Variants in GRM7 observed in about 807,000 individuals in gnomAD.
The protein encoded by GRM7 is metabotropic glutamate receptor 7.
GRM7 carries 35 observed loss-of-function variants against 84.5 expected under a neutral mutation model. The observed-to-expected ratio is 0.41, with a 90% confidence interval of 0.32 to 0.55. The LOEUF is 0.55. Among genes scored for constraint, GRM7 ranks in the 20% least tolerant of loss-of-function variants. The pLI is 0.19. For missense variants in GRM7, 1,003 were observed against 1,194.6 expected, an observed-to-expected ratio of 0.84 and a Z score of 2.36; for synonymous variants, 487 against 455.1, an observed-to-expected ratio of 1.07 and a Z score of -0.89.
At position 7,599,938 on chromosome 3, in the gene GRM7, T is replaced by C. The variant is rs551607564; in HGVS notation, c.2451+20581T>C. ...TGCTCTTTTTTGAGTGATACAGTGG[T>C]TTATTTCATTAGCTATCTTATCACC... On this transcript the variant is annotated intron_variant, in intron 8 of 9. Transcript: ENST00000357716. Among the ~76,000 whole-genome samples, 10 of 152,212 alleles carry C rather than the reference T, an allele frequency of 6.6e-5. No individual in the cohort carries two copies. The East Asian group carries it at 1.7e-3, about 27-fold the overall frequency.
intron 8 of GRM7, among the ~76,000 whole-genome samples, chr3:7,630,634 T>G (rs886493736): frequency 1.3e-5 from 2 of 152,190 alleles, no homozygotes; most frequent in African/African-American, 4.8e-5. Context: ...GACATCATAC[T>G]GCCTCTGTTT....
chr3:6,940,882 C>T (rs1389236397), intron 1 of GRM7, among the ~76,000 whole-genome samples: 2 of 152,210 alleles, frequency 1.3e-5, no homozygotes, highest in South Asian at 2.1e-4. Flanking sequence ...GAAATTCCTG[C>T]AGTCACTTCT....
chr3:7,359,396 A>G (rs1348022887), intron 4 of GRM7, among the ~76,000 whole-genome samples: 1 of 132,810 alleles, frequency 7.5e-6, no homozygotes, highest in African/African-American at 3.0e-5. Context: ...GTGCAGTGGC[A>G]CAATTTCGGC....
chr3:7,064,154 A>G (rs1189604596), intron 1 of GRM7, among the ~76,000 whole-genome samples: 2 of 151,210 alleles, frequency 1.3e-5, no homozygotes, highest in Non-Finnish European at 3.0e-5. Context: ...TAAGTTCTTT[A>G]GTGGTGATTT....
chr3:7,503,234 G>A (rs1002702053), intron 7 of GRM7, among the ~76,000 whole-genome samples: 6 of 152,094 alleles, frequency 3.9e-5, no homozygotes, highest in African/African-American at 1.4e-4. Flanking sequence ...AAAAATTCCT[G>A]ATAAAAGAGA....
intron 4 of GRM7, among the ~76,000 whole-genome samples, chr3:7,382,687 AAGT>A (rs1333513075): frequency 4.6e-5 from 7 of 152,228 alleles, no homozygotes; most frequent in Admixed American, 3.9e-4. Flanking sequence ...GAAAAAAATA[AAGT>A]AGTCTGATAG....
chr3:6,887,109 C>T (rs555592233), intron 1 of GRM7, among the ~76,000 whole-genome samples: 3 of 152,110 alleles, frequency 2.0e-5, no homozygotes, highest in Non-Finnish European at 4.4e-5. Context: ...TGTTGAGGGA[C>T]AGTGCCTTTC....
intron 4 of GRM7, among the ~76,000 whole-genome samples, chr3:7,370,458 T>G (rs932278162): frequency 1.3e-5 from 2 of 152,160 alleles, no homozygotes; most frequent in African/African-American, 4.8e-5. Flanking sequence ...TTCTCTCTTG[T>G]CTGCTGTCAT....
intron 2 of GRM7, among the ~76,000 whole-genome samples, chr3:7,263,937 G>T (rs1698536508): frequency 6.6e-6 from 1 of 152,116 alleles, no homozygotes; most frequent in African/African-American, 2.4e-5. Context: ...GTGGGGGGTG[G>T]CCGTGGGCGA....
chr3:7,684,771 T>G (rs1449574247), intron 9 of GRM7, among the ~76,000 whole-genome samples: 2 of 152,186 alleles, frequency 1.3e-5, no homozygotes, highest in East Asian at 3.8e-4. Flanking sequence ...ATATTAGATA[T>G]TCAGAGTTGG....
intron 5 of GRM7, among the ~76,000 whole-genome samples, chr3:7,432,666 G>A (rs981298661): frequency 2.0e-5 from 3 of 151,604 alleles, no homozygotes; most frequent in Non-Finnish European, 4.4e-5. Flanking sequence ...AATAGATTTA[G>A]AATAAAACCA....
intron 4 of GRM7, among the ~76,000 whole-genome samples, chr3:7,376,691 T>C (rs1487496810): frequency 6.6e-6 from 1 of 152,208 alleles, no homozygotes; most frequent in Non-Finnish European, 1.5e-5. Flanking sequence ...TATGGCTACT[T>C]TTGCCCTACA....
At chr3:7,249,249 C>T (rs1022470207) in intron 2 of GRM7, among the ~76,000 whole-genome samples, 6 of 152,172 alleles carry the variant, frequency 3.9e-5, no homozygotes, top group African/African-American at 1.2e-4. Context: ...AATTTACTTA[C>T]ATTCCAAGTA....
intron 4 of GRM7, among the ~76,000 whole-genome samples, chr3:7,338,154 A>G (rs911565580): frequency 2.0e-5 from 3 of 150,346 alleles, no homozygotes; most frequent in Middle Eastern, 3.2e-3. Context: ...CCCATGGAAT[A>G]CTATTCAGCC....
In GRM7 at chr3:7,011,550, G is replaced by C. The variant is rs1033128957; in HGVS notation, c.520-134902G>C. On this transcript the variant is annotated intron_variant, in intron 1 of 9. Transcript: ENST00000357716. The stretch of plus-strand genomic sequence containing the variant: ...CACTTTTTATACTCAGTTTAATGCA[G>C]AGAACAGAGCCAGAGTAATTATCTC... Among the ~76,000 whole-genome samples, 4 of 152,160 alleles carry C rather than the reference G, an allele frequency of 2.6e-5. No individual in the cohort carries two copies. The South Asian group carries it at 8.3e-4, about 31-fold the overall frequency.
intron 7 of GRM7, among the ~76,000 whole-genome samples, chr3:7,469,409 T>A (rs548806138): frequency 1.1e-4 from 16 of 152,332 alleles, no homozygotes; most frequent in African/African-American, 3.1e-4. Context: ...GTTTTTGTTT[T>A]ATTTCAGTTG....
chr3:7,193,822 TAAAC>T (rs1476041306), intron 2 of GRM7, among the ~76,000 whole-genome samples: 1 of 151,920 alleles, frequency 6.6e-6, no homozygotes, highest in African/African-American at 2.4e-5. Flanking sequence ...TTCACACAAA[TAAAC>T]AACCAGAGAA....
intron 8 of GRM7, among the ~76,000 whole-genome samples, chr3:7,653,204 T>G (rs1451087362): frequency 6.9e-6 from 1 of 144,488 alleles, no homozygotes; most frequent in Non-Finnish European, 1.5e-5. Context: ...TTTTTTTTTT[T>G]GCTTTACATC....
At chr3:7,702,243 A>G (rs182145637) in intron 9 of GRM7, among the ~76,000 whole-genome samples, 1 of 152,324 alleles carries the variant, frequency 6.6e-6, no homozygotes, top group East Asian at 1.9e-4. Context: ...TTTAATGTCC[A>G]TACCATCACC....
Sources: gnomAD v4.1 joint callset for allele counts (sites outside exome capture counted in the v4.1 genomes callset) on GRCh38, gnomAD v4.1.1 for gene constraint, MANE v1.5 for transcripts, NCBI Gene and HGNC (gene_info 2026-07-23, HGNC 2026-07-21) for gene names.